NCAM2: variants seen among roughly 807,000 people sequenced by gnomAD.
NCAM2 encodes N-CAM-2.
In NCAM2, 30 loss-of-function variants were observed where a neutral mutation model predicts 98.1. The observed-to-expected ratio is 0.31, with a 90% CI of 0.23 to 0.41. The LOEUF (loss-of-function observed/expected upper bound fraction) is 0.41. NCAM2 is among the 10% of genes least tolerant of loss of function. The pLI, the probability that NCAM2 is intolerant of heterozygous loss-of-function variation, is 1.00. For missense variants in NCAM2, 867 were observed against 1,005.8 expected (o/e 0.86, Z 1.87); for synonymous variants, 368 against 342.4 (o/e 1.07, Z -0.83).
chr21:21,352,371 C>G (rs1467275682), intron 8 of NCAM2, among the ~76,000 whole-genome samples: 3 of 152,066 alleles, frequency 2.0e-5, no homozygotes, highest in Non-Finnish European at 4.4e-5. Flanking sequence ...GTCCACCTGC[C>G]TCAGACTCCC....
chr21:21,098,493 A>G (rs1281187448), intron 1 of NCAM2, among the ~76,000 whole-genome samples: 1 of 151,830 alleles, frequency 6.6e-6, no homozygotes, highest in Non-Finnish European at 1.5e-5. Flanking sequence ...TCCAGAAGGA[A>G]CACAGTTAAT....
rs145185443 is a variant in NCAM2, at chr21:21,192,159, G to T, written c.56-88419G>T. On this transcript the variant is annotated intron_variant, in intron 1 of 17. Coordinates refer to ENST00000400546, the MANE Select transcript of NCAM2 (RefSeq NM_004540.5). The stretch of plus-strand genomic sequence containing the variant: ...AATCACTTGAATCCAGGAGGCAGAG[G>T]TTGTGGTGAGCCAAGATTGCACCAT... Among the ~76,000 whole-genome samples the T allele has an allele frequency of 4.0e-4, 61 of 152,230 alleles. No homozygotes were observed. In the East Asian group the frequency reaches 9.1e-3, roughly 23 times the overall value.
At chr21:21,308,355 T>A (rs1308266000) in intron 5 of NCAM2, among the ~76,000 whole-genome samples, 1 of 152,120 alleles carries the variant, frequency 6.6e-6, no homozygotes, top group Non-Finnish European at 1.5e-5. Context: ...GAAAACCTTT[T>A]TTTACTTTTA....
chr21:21,205,009 G>C (rs1187455428), intron 1 of NCAM2, among the ~76,000 whole-genome samples: 2 of 151,950 alleles, frequency 1.3e-5, no homozygotes, highest in African/African-American at 4.8e-5. Flanking sequence ...TGAGATATTT[G>C]ATGGAAGTTT....
intron 10 of NCAM2, among the ~76,000 whole-genome samples, chr21:21,415,407 C>G (rs949567294): frequency 7.3e-6 from 1 of 136,296 alleles, no homozygotes; most frequent in Non-Finnish European, 1.5e-5. Flanking sequence ...GCGATCTCGG[C>G]TCAGTGCAAG....
At chr21:21,173,764 G>T (rs997229405) in intron 1 of NCAM2, among the ~76,000 whole-genome samples, 3 of 152,010 alleles carry the variant, frequency 2.0e-5, no homozygotes, top group Admixed American at 1.3e-4. Context: ...TCCCAGATGC[G>T]CTGCAAACTG....
At chr21:21,040,925 G>T (rs2064891653) in intron 1 of NCAM2, among the ~76,000 whole-genome samples, 1 of 152,124 alleles carries the variant, frequency 6.6e-6, no homozygotes, top group Non-Finnish European at 1.5e-5. Flanking sequence ...AGAGGATTTT[G>T]AATATTCCAA....
intron 4 of NCAM2, among the ~76,000 whole-genome samples, chr21:21,289,862 A>G (rs1452537111): frequency 6.6e-6 from 1 of 151,962 alleles, no homozygotes; most frequent in Non-Finnish European, 1.5e-5. Context: ...AGTGAAAACA[A>G]CAAATTAGAT....
At chr21:21,290,788 GC>G (rs1276149656) in intron 4 of NCAM2, among the ~76,000 whole-genome samples, 8 of 151,718 alleles carry the variant, frequency 5.3e-5, no homozygotes, top group African/African-American at 1.7e-4. Context: ...GTTATTTCTA[GC>G]CCCGACTTCT....
Position 21,324,402 on chromosome 21 carries a change from G to C in NCAM2, c.639G>C (p.Met213Ile). 1 of 1,613,094 alleles carries C rather than the reference G, an allele frequency of 6.2e-7. No homozygotes were observed. Among genetic ancestry groups the C allele is most frequent in the South Asian group, 1.1e-5 (1 of 91,008 alleles). The change falls in exon 6 of 18, where the codon ATG (methionine) becomes ATC (isoleucine). Residue 213 changes from methionine (M) to isoleucine (I), a missense_variant. Transcript: ENST00000400546. Reference sequence around the variant, plus strand: ...CTTCAGTGCCGCCAGCAATCTCAATGCCTCAGAAATCTTTTAATGCCACAG... The same window carrying C: ...CTTCAGTGCCGCCAGCAATCTCAATCCCTCAGAAATCTTTTAATGCCACAG... ...VIVNVPPAIS[M>I]PQKSFNATAE...
At chr21:21,068,123 T>A (rs1286389273) in intron 1 of NCAM2, among the ~76,000 whole-genome samples, 1 of 142,542 alleles carries the variant, frequency 7.0e-6, no homozygotes, top group Non-Finnish European at 1.5e-5. Flanking sequence ...ACTAAAATAA[T>A]GACTTTTTTT....
In NCAM2 at chr21:21,536,590, A is replaced by G. The variant is rs1480045917; in HGVS notation, c.2403-1256A>G. On this transcript the variant is annotated intron_variant, in intron 17 of 17. Coordinates refer to ENST00000400546, the MANE Select transcript of NCAM2 (RefSeq NM_004540.5). ...ATTTTAGTAAAGACAGGCTTTCTCC[A>G]TGTTGGTCAGGCCGGTCTCCAACTC... Among the ~76,000 whole-genome samples the G allele has an allele frequency of 3.3e-5, 5 of 151,960 alleles. No homozygotes were observed. The East Asian group carries it at 9.7e-4, about 29-fold the overall frequency.
At position 21,229,522 on chromosome 21, in the gene NCAM2, CCCA is replaced by C. The variant is rs1304557320; in HGVS notation, c.56-51055_56-51053del. Among the ~76,000 whole-genome samples, 12 of 151,628 alleles carry C rather than the reference CCCA, an allele frequency of 7.9e-5. No homozygotes were observed. In the South Asian group the frequency reaches 2.1e-3, roughly 26 times the overall value. ...CATACATTTATTTAATCTTCATACACCCAATGGCTCAGCTCTTATAGATGAGAC... is the reference window on the plus strand; with the variant it reads ...CATACATTTATTTAATCTTCATACACATGGCTCAGCTCTTATAGATGAGAC... On this transcript the variant is annotated intron_variant, in intron 1 of 17. Transcript: ENST00000400546.
chr21:21,216,512 G>A (rs535440439), intron 1 of NCAM2, among the ~76,000 whole-genome samples: 6 of 152,298 alleles, frequency 3.9e-5, no homozygotes, highest in East Asian at 3.9e-4. Flanking sequence ...CCACAATCTG[G>A]TGTTCTAATA....
At chr21:21,099,787 T>G (rs2066201656) in intron 1 of NCAM2, among the ~76,000 whole-genome samples, 1 of 151,904 alleles carries the variant, frequency 6.6e-6, no homozygotes, top group African/African-American at 2.4e-5. Context: ...CTTTTTCTCG[T>G]GAACCTAAAA....
chr21:21,377,519 T>C (rs944565228), intron 9 of NCAM2, among the ~76,000 whole-genome samples: 7 of 152,046 alleles, frequency 4.6e-5, no homozygotes, highest in Admixed American at 4.6e-4. Context: ...TGTATATATT[T>C]AAGGTGTACA....
At chr21:21,372,208 A>T (rs1279878647) in intron 8 of NCAM2, among the ~76,000 whole-genome samples, 2 of 151,846 alleles carry the variant, frequency 1.3e-5, no homozygotes, top group Non-Finnish European at 2.9e-5. Context: ...TATCACATGG[A>T]TATTTGATTA....
chr21:21,491,825 T>C lies in NCAM2; in HGVS notation c.2077+14354T>C, dbSNP rs1186871617. Among the ~76,000 whole-genome samples the C allele has an allele frequency of 4.0e-5, 6 of 151,718 alleles. 1 individual carries two copies. Among genetic ancestry groups the C allele is most frequent in the African/African-American group, 1.4e-4 (6 of 41,546 alleles). ...GTATATTTCAAAATGAAAATTTTAA[T>C]GCATTTATAAGTCTTATATATTGTA... On this transcript the variant is annotated intron_variant, in intron 15 of 17. Coordinates refer to ENST00000400546, the MANE Select transcript of NCAM2 (RefSeq NM_004540.5).
Position 21,313,394 on chromosome 21 carries a change from A to G in NCAM2, c.620-10989A>G, listed in dbSNP as rs537052414. Among the ~76,000 whole-genome samples, 6 of 152,002 alleles carry G rather than the reference A, an allele frequency of 3.9e-5. No homozygotes were observed. The East Asian group carries it at 1.2e-3, about 29-fold the overall frequency. On this transcript the variant is annotated intron_variant, in intron 5 of 17. Coordinates refer to ENST00000400546, the MANE Select transcript of NCAM2 (RefSeq NM_004540.5). ...AAGCACTTTTTCAAGTTGAATGCAC[A>G]TGTAGGATTGTCATATTTTCCTGCT...
Sources: allele counts gnomAD v4.1 joint callset (sites outside exome capture counted in the v4.1 genomes callset), GRCh38; gene constraint gnomAD v4.1.1; transcripts MANE v1.5; gene names NCBI Gene and HGNC (gene_info 2026-07-23, HGNC 2026-07-21).